SUGCT: variants seen among roughly 807,000 people sequenced by gnomAD.
The protein encoded by SUGCT is succinyl-CoA:glutarate CoA-transferase.
A neutral mutation model predicts 55.0 loss-of-function variants in SUGCT; 41 were observed. The ratio of observed to expected loss-of-function variants is 0.74; its 90% CI spans 0.58 to 0.97. SUGCT has a LOEUF of 0.97. Among genes scored for constraint, SUGCT ranks in the 50% least tolerant of loss-of-function variants. The probability of loss-of-function intolerance (pLI) is 0.00; values close to 1 mark genes in which losing one functional copy is unlikely to be tolerated. For synonymous variants in SUGCT, 187 were observed against 200.4 expected, an observed-to-expected ratio of 0.93 and a Z score of 0.56; for missense variants, 568 against 547.8, an observed-to-expected ratio of 1.04 and a Z score of -0.37.
At chr7:40,878,286 T>G in the SUGCT span, among the ~76,000 whole-genome samples, 1 of 152,230 alleles carries the variant, frequency 6.6e-6, no homozygotes, top group African/African-American at 2.4e-5. Flanking sequence ...GTTTCCTAGT[T>G]ATTTCTGTTT....
At chr7:40,247,144 G>T (rs1789940982) in intron 7 of SUGCT, among the ~76,000 whole-genome samples, 1 of 152,168 alleles carries the variant, frequency 6.6e-6, no homozygotes, top group African/African-American at 2.4e-5. Context: ...ACGGGTCACA[G>T]GGTAGATGTA....
At chr7:40,638,448 T>TC (rs1370873865) in intron 12 of SUGCT, among the ~76,000 whole-genome samples, 1 of 152,192 alleles carries the variant, frequency 6.6e-6, no homozygotes, top group Non-Finnish European at 1.5e-5. Flanking sequence ...TATTAAAGAA[T>TC]TCTAGTTAAT....
chr7:40,557,735 T>C (rs1029553840), intron 12 of SUGCT, among the ~76,000 whole-genome samples: 58 of 148,258 alleles, frequency 3.9e-4, no homozygotes, highest in African/African-American at 8.3e-4. Context: ...ATTGTGCCAC[T>C]GCACTCTAGT....
At chr7:41,024,224 A>C in the SUGCT span, among the ~76,000 whole-genome samples, 1 of 152,250 alleles carries the variant, frequency 6.6e-6, no homozygotes, top group African/African-American at 2.4e-5. Context: ...ATAAATGTGG[A>C]AGGCAAAACC....
At chr7:40,835,540 T>A (rs1792919621) in intron 13 of SUGCT, among the ~76,000 whole-genome samples, 2 of 152,198 alleles carry the variant, frequency 1.3e-5, no homozygotes, top group African/African-American at 4.8e-5. Context: ...TCTATGCCAA[T>A]CTCCAGAAAC....
intron 12 of SUGCT, among the ~76,000 whole-genome samples, chr7:40,707,183 G>A (rs556667154): frequency 1.3e-5 from 2 of 151,360 alleles, no homozygotes; most frequent in Non-Finnish European, 2.9e-5. Context: ...TAAATGAGGG[G>A]TATAGATTTG....
chr7:40,333,536 G>A (rs1185365273), intron 9 of SUGCT, among the ~76,000 whole-genome samples: 1 of 147,422 alleles, frequency 6.8e-6, no homozygotes, highest in South Asian at 2.2e-4. Flanking sequence ...ACTTGGGAGG[G>A]TGAGGCAGGA....
chr7:40,876,880 T>C, the SUGCT span, among the ~76,000 whole-genome samples: 1 of 152,206 alleles, frequency 6.6e-6, no homozygotes, highest in Non-Finnish European at 1.5e-5. Context: ...TGGAGGGGCC[T>C]GTGCAGCCTG....
intron 11 of SUGCT, among the ~76,000 whole-genome samples, chr7:40,466,768 T>C (rs1444038357): frequency 2.6e-5 from 4 of 152,140 alleles, no homozygotes; most frequent in African/African-American, 7.2e-5. Flanking sequence ...GGACTTTGAA[T>C]GAACTAGAGA....
At chr7:40,569,326 G>A (rs959196181) in intron 12 of SUGCT, among the ~76,000 whole-genome samples, 1 of 152,172 alleles carries the variant, frequency 6.6e-6, no homozygotes, top group Non-Finnish European at 1.5e-5. Flanking sequence ...AGTAATGTGT[G>A]AAATGTCATC....
chr7:40,692,390 A>G (rs1784737601), intron 12 of SUGCT, among the ~76,000 whole-genome samples: 1 of 152,218 alleles, frequency 6.6e-6, no homozygotes, highest in Admixed American at 6.5e-5. Flanking sequence ...AGAATAGGGA[A>G]ATGAAGAAGC....
chr7:41,023,628 A>G, the SUGCT span, among the ~76,000 whole-genome samples: 1 of 152,140 alleles, frequency 6.6e-6, no homozygotes, highest in African/African-American at 2.4e-5. Flanking sequence ...ACAATAATAA[A>G]ACAGTTCCTA....
chr7:40,414,435 T>G (rs183983105), intron 9 of SUGCT, among the ~76,000 whole-genome samples: 10 of 152,322 alleles, frequency 6.6e-5, no homozygotes, highest in Non-Finnish European at 1.3e-4. Flanking sequence ...GTTTGCGGTT[T>G]CAGGCATTCG....
At chr7:40,972,234 GT>G in the SUGCT span, among the ~76,000 whole-genome samples, 1 of 152,080 alleles carries the variant, frequency 6.6e-6, no homozygotes, top group Non-Finnish European at 1.5e-5. Flanking sequence ...GTGTATCTAT[GT>G]ACCACAATTA....
In SUGCT at chr7:40,262,409, G is replaced by A. The variant is rs534505175; in HGVS notation, c.577-12104G>A. On this transcript the variant is annotated intron_variant, in intron 7 of 13. Transcript: ENST00000335693. ...CTCATGCCTGTAGTCTCAGCACTTT[G>A]GGAGGCCGAGGTGGGCGAATCGTGA... Among the ~76,000 whole-genome samples, 7 of 151,678 alleles carry A rather than the reference G, an allele frequency of 4.6e-5. No homozygotes were observed. In the South Asian group the frequency reaches 8.4e-4, roughly 18 times the overall value.
chr7:40,205,189 AG>A (rs1786893238), intron 6 of SUGCT, among the ~76,000 whole-genome samples: 1 of 150,332 alleles, frequency 6.7e-6, no homozygotes, highest in Non-Finnish European at 1.5e-5. Flanking sequence ...CAGGAGGTGG[AG>A]GTTGCAGTGA....
intron 12 of SUGCT, among the ~76,000 whole-genome samples, chr7:40,579,512 A>G (rs1163880966): frequency 6.6e-6 from 1 of 152,178 alleles, no homozygotes; most frequent in African/African-American, 2.4e-5. Flanking sequence ...GTTGCAGGAA[A>G]TACTCTGCAG....
chr7:40,970,776 G>A, the SUGCT span, among the ~76,000 whole-genome samples: 1 of 152,098 alleles, frequency 6.6e-6, no homozygotes, highest in East Asian at 1.9e-4. Flanking sequence ...GGTGGGAGTG[G>A]GGACATTCCA....
At chr7:40,661,443 A>C (rs753821720) in intron 12 of SUGCT, among the ~76,000 whole-genome samples, 1 of 152,174 alleles carries the variant, frequency 6.6e-6, no homozygotes, top group Admixed American at 6.5e-5. Context: ...CTGTAATATA[A>C]TTCGTCTTAA....
Sources: gnomAD v4.1 joint callset for allele counts (sites outside exome capture counted in the v4.1 genomes callset) on GRCh38, gnomAD v4.1.1 for gene constraint, MANE v1.5 for transcripts, NCBI Gene and HGNC (gene_info 2026-07-23, HGNC 2026-07-21) for gene names.